Variants in SCN9A observed in about 807,000 individuals in gnomAD.
SCN9A encodes the protein sodium voltage-gated channel alpha subunit 9.
A neutral mutation model predicts 187.0 loss-of-function variants in SCN9A; 131 were observed. That is an observed-to-expected ratio of 0.70 (90% confidence interval 0.61 to 0.81). The LOEUF is 0.81. SCN9A is among the 30% of genes least tolerant of loss of function. The probability of loss-of-function intolerance (pLI) is 0.00; values close to 1 mark genes in which losing one functional copy is unlikely to be tolerated. For synonymous variants in SCN9A, 809 were observed against 808.6 expected (o/e 1.00, Z -0.01); for missense variants, 2,252 against 2,396.6 (o/e 0.94, Z 1.26).
chr2:166,360,719 TG>T (rs1455749546), intron 1 of SCN9A, among the ~76,000 whole-genome samples: 10 of 152,166 alleles, frequency 6.6e-5, no homozygotes, highest in African/African-American at 2.4e-4. Flanking sequence ...AAAGTTATCA[TG>T]TAGAATAGAA....
chr2:166,251,934 C>T, intron 17 of SCN9A, 49 bp from the exon 18 acceptor site: 2 of 1,598,078 alleles, frequency 1.3e-6, no homozygotes, highest in South Asian at 1.1e-5. Context: ...AGAGTTCATT[C>T]AAATATGATA....
At chr2:166,353,592 A>G (rs778119782) in intron 1 of SCN9A, among the ~76,000 whole-genome samples, 1 of 152,190 alleles carries the variant, frequency 6.6e-6, no homozygotes. Context: ...CCTTTATCTG[A>G]ACAGTTTCAA....
intron 1 of SCN9A, among the ~76,000 whole-genome samples, chr2:166,316,586 T>C (rs1339868015): frequency 2.0e-5 from 3 of 152,088 alleles, no homozygotes; most frequent in African/African-American, 7.2e-5. Flanking sequence ...TCCCAGCTGC[T>C]CGGGAGGCTG....
intron 1 of SCN9A, among the ~76,000 whole-genome samples, chr2:166,360,021 A>C (rs910660235): frequency 6.6e-6 from 1 of 151,752 alleles, no homozygotes; most frequent in African/African-American, 2.4e-5. Flanking sequence ...CAGGAATTCA[A>C]GACCAGCCTG....
chr2:166,220,507 G>A (rs940460424), intron 24 of SCN9A, among the ~76,000 whole-genome samples: 7 of 151,964 alleles, frequency 4.6e-5, no homozygotes, highest in Non-Finnish European at 1.0e-4. Context: ...CTTACAGCAT[G>A]TTATGACACA....
At position 166,238,077 on chromosome 2, in the gene SCN9A, T is replaced by C. The variant is rs760096642; in HGVS notation, c.3801+17A>G. ...TAAGAATAAATCCTCTTTTAAAATGTACTCAAAAGTACCTACATCAACAAT... is the reference window on the plus strand; with the variant it reads ...TAAGAATAAATCCTCTTTTAAAATGCACTCAAAAGTACCTACATCAACAAT... On this transcript the variant is annotated intron_variant, in intron 20 of 26. Coordinates refer to ENST00000642356, the MANE Select transcript of SCN9A (RefSeq NM_001365536.1). 6.3e-7 allele frequency: 1 copy of C among 1,587,568 alleles called. No homozygotes were observed.
At chr2:166,233,591 T>A in intron 20 of SCN9A, 129 bp from the exon 21 acceptor site, 1 of 558,772 alleles carries the variant, frequency 1.8e-6, no homozygotes, top group Non-Finnish European at 2.9e-6. Context: ...AGTTGTGTAG[T>A]CAATGCCTAA....
At chr2:166,239,243 G>C (rs1041564002) in intron 19 of SCN9A, among the ~76,000 whole-genome samples, 1 of 139,294 alleles carries the variant, frequency 7.2e-6, no homozygotes, top group African/African-American at 2.7e-5. Context: ...AAAAAAAAAA[G>C]GCTCATTGAG....
chr2:166,199,976 T>TTTTTTTTTTTTTG (rs1491244630), intron 26 of SCN9A, 112 bp from the exon 27 acceptor site: 1 of 137,472 alleles, frequency 7.3e-6, no homozygotes, highest in African/African-American at 1.2e-4. Flanking sequence ...TTCAAGACAG[T>TTTTTTTTTTTTTG]TTTTTTTTTT....
intron 24 of SCN9A, 42 bp downstream of exon 24, chr2:166,226,525 T>G: frequency 4.5e-6 from 6 of 1,331,692 alleles, no homozygotes; most frequent in Non-Finnish European, 6.2e-6. Context: ...AAAATAATTG[T>G]TCATCCCTTT....
intron 1 of SCN9A, among the ~76,000 whole-genome samples, chr2:166,328,493 T>C (rs1699420758): frequency 6.6e-6 from 1 of 152,152 alleles, no homozygotes; most frequent in Admixed American, 6.5e-5. Flanking sequence ...GATATATGCA[T>C]TTTTATTTAA....
intron 18 of SCN9A, among the ~76,000 whole-genome samples, chr2:166,250,639 C>A (rs936464615): frequency 6.6e-6 from 1 of 152,086 alleles, no homozygotes; most frequent in Non-Finnish European, 1.5e-5. Context: ...TCAGACAATA[C>A]TGCATTATCC....
chr2:166,205,830 A>T (rs572863343), intron 24 of SCN9A, among the ~76,000 whole-genome samples: 1 of 152,198 alleles, frequency 6.6e-6, no homozygotes, highest in Non-Finnish European at 1.5e-5. Flanking sequence ...AAAAACAAAC[A>T]ACTCCATCAA....
chr2:166,280,308 C>A, intron 14 of SCN9A, 49 bp downstream of exon 14: 1 of 1,037,158 alleles, frequency 9.6e-7, no homozygotes, highest in Non-Finnish European at 1.4e-6. Flanking sequence ...ACAATGATGA[C>A]AACTAAAAAG....
chr2:166,241,706 C>T (rs1181694495), intron 19 of SCN9A, among the ~76,000 whole-genome samples: 2 of 152,052 alleles, frequency 1.3e-5, no homozygotes, highest in South Asian at 2.1e-4. Context: ...TGCTACAGAA[C>T]TTTGTCACAT....
At position 166,198,810 on chromosome 2, in the gene SCN9A, T is replaced by C; in HGVS notation, c.5829A>G (p.Pro1943=). 2.5e-6 allele frequency: 4 copies of C among 1,613,246 alleles called. No individual in the cohort carries two copies. The highest frequency in any genetic ancestry group is 3.4e-6 in the Non-Finnish European group (4 of 1,179,422). ...AFDNVNENSS[P]EKTDATSSTT... ...TGGATGAAGTGGCATCTGTTTTTTC[T>C]GGACTTGAGTTCTCATTAACATTAT... The change falls in exon 27 of 27, where the codon CCA becomes CCG. Residue 1943 remains proline, a synonymous_variant. Transcript: ENST00000642356.
intron 1 of SCN9A, among the ~76,000 whole-genome samples, chr2:166,316,244 T>A (rs1447026043): frequency 6.6e-6 from 1 of 152,216 alleles, no homozygotes; most frequent in Non-Finnish European, 1.5e-5. Context: ...TGTAACCATG[T>A]CAAACCTCAC....
chr2:166,284,304 A>T, intron 12 of SCN9A, 149 bp downstream of exon 12: 1 of 878,156 alleles, frequency 1.1e-6, no homozygotes, highest in Non-Finnish European at 1.7e-6. Context: ...AATGAGGATT[A>T]GGCTAATGAA....
Position 166,197,136 on chromosome 2 carries a change from A to C in SCN9A, c.*1536T>G, listed in dbSNP as rs2106333780. 6.6e-6 allele frequency: 1 copy of C among 152,170 alleles called. No homozygotes were observed. Among genetic ancestry groups the C allele is most frequent in the African/African-American group, 2.4e-5 (1 of 41,566 alleles). 9.4% of individuals were successfully genotyped at this position (152,170 alleles called of 1,614,324 possible). ...ATTTGCTTCAAAACCTCCCACAAAA[A>C]TCTTCTAAGTAAAACTACATTCTAC... On this transcript the variant is annotated 3_prime_UTR_variant, in exon 27 of 27. Transcript: ENST00000642356.
Sources: allele counts gnomAD v4.1 joint callset (sites outside exome capture counted in the v4.1 genomes callset), GRCh38; gene constraint gnomAD v4.1.1; transcripts MANE v1.5; gene names NCBI Gene and HGNC (gene_info 2026-07-23, HGNC 2026-07-21).